Variants in ITPR3 observed in about 807,000 individuals in gnomAD.
The protein encoded by ITPR3 is inositol 1,4,5-trisphosphate-gated calcium channel ITPR3.
A neutral mutation model predicts 293.2 loss-of-function variants in ITPR3; 173 were observed. The ratio of observed to expected loss-of-function variants is 0.59; its 90% CI spans 0.52 to 0.67. The LOEUF is 0.67. Ranked by LOEUF, ITPR3 falls within the 30% of genes least tolerant of loss-of-function variation. The pLI is 0.00. For synonymous variants in ITPR3, 1,295 were observed against 1,444.4 expected, an observed-to-expected ratio of 0.90 and a Z score of 2.35; for missense variants, 2,796 against 3,592.1, an observed-to-expected ratio of 0.78 and a Z score of 5.66.
rs913302345 is a variant in ITPR3 at position 33,689,264 on chromosome 6, T to C, written c.6721T>C (p.Leu2241=). ...TGVLDSPLIS[L]LFWILICFSI... is the part of the protein sequence containing the mutation. ...CGTGCTGGACTCCCCTCTCATCTCA[T>C]TGCTCTTCTGGATCCTCATCTGCTT... Residue 2241 remains leucine (L), a synonymous_variant, in exon 50 of 58, where the codon TTG becomes CTG. Coordinates refer to ENST00000605930, the MANE Select transcript of ITPR3 (RefSeq NM_002224.4). The C allele has an allele frequency of 5.0e-6, 8 of 1,611,128 alleles. No individual in the cohort carries two copies. The highest frequency in any genetic ancestry group is 6.8e-6 in the Non-Finnish European group (8 of 1,179,974).
rs1582146998 is a variant in ITPR3 at position 33,675,219 on chromosome 6, C to G, written c.3117-472C>G. On this transcript the variant is annotated intron_variant, in intron 24 of 57. Transcript: ENST00000605930. This position sits in a 1 kb window ranked among gnomAD's most constrained non-coding sequence, Gnocchi z 5.0. ...GGCAGATCACTTGAGGTCAGGAGTT[C>G]GAGACCAGCCTGGCCAACATGGTGA... is the stretch of plus-strand genomic sequence containing the variant. Among the ~76,000 whole-genome samples the G allele has an allele frequency of 6.6e-6, 1 of 151,992 alleles. No homozygotes were observed. The highest frequency in any genetic ancestry group is 2.1e-4 in the South Asian group (1 of 4,810).
At chr6:33,663,935 C>T in intron 11 of ITPR3, 55 bp downstream of exon 11, 1 of 1,602,374 alleles carries the variant, frequency 6.2e-7, no homozygotes, top group Non-Finnish European at 8.5e-7. Flanking sequence ...GGTGGGCCCT[C>T]CTGTCTCTGG....
chr6:33,690,139 G>T lies in ITPR3; in HGVS notation c.6973G>T (p.Gly2325Cys). ...VMDMEFLYHVGYILTSVLGLF... is the reference protein window; with the variant it reads ...VMDMEFLYHVCYILTSVLGLF... ...GGACATGGAATTCCTCTACCACGTG[G>T]GCTACATCCTGACCAGTGTCCTGGG... Residue 2325 changes from glycine (G) to cysteine (C), a missense_variant, in exon 51 of 58, where the codon GGC (glycine) becomes TGC (cysteine). By Grantham distance (159) the Gly-to-Cys change is radical. This residue lies in a region of ITPR3 where 568 missense variants were observed against 796.1 expected (regional missense o/e 0.71). Transcript: ENST00000605930. The T allele has an allele frequency of 6.2e-7, 1 of 1,614,152 alleles. No homozygotes were observed. The highest frequency in any genetic ancestry group is 8.5e-7 in the Non-Finnish European group (1 of 1,180,038).
At position 33,676,782 on chromosome 6, in the gene ITPR3, C is replaced by T; in HGVS notation, c.3297C>T (p.Ile1099=). ...TCCACCTTCAGGTTCAGCTGCTGATCTCAGCGCAGGACGTGGAGAACTACA... is the reference window on the plus strand; with the variant it reads ...TCCACCTTCAGGTTCAGCTGCTGATTTCAGCGCAGGACGTGGAGAACTACA... The part of the protein sequence containing the change: ...MHTFKQVQLL[I]SAQDVENYKV... Residue 1099 remains isoleucine (I), a synonymous_variant, in exon 26 of 58, where the codon ATC becomes ATT. Transcript: ENST00000605930. 2 of 1,614,188 alleles carry T rather than the reference C, an allele frequency of 1.2e-6. No homozygotes were observed. The highest frequency in any genetic ancestry group is 1.1e-5 in the South Asian group (1 of 91,072).
Position 33,658,087 on chromosome 6 carries a change from A to G in ITPR3, c.369+69A>G. On this transcript the variant is annotated intron_variant, in intron 4 of 57. Transcript: ENST00000605930. This position sits in a 1 kb window ranked among gnomAD's most constrained non-coding sequence, Gnocchi z 6.1. ...TAAGAGGCTGGGCTGGTGCTGGGTG[A>G]GGGCTGCCAGCAGGCATTGCCCTCT... The G allele has an allele frequency of 7.2e-7, 1 of 1,381,026 alleles. No homozygotes were observed. Among genetic ancestry groups the G allele is most frequent in the Non-Finnish European group, 1.0e-6 (1 of 980,488 alleles). The allele number at this position is 1,381,026 out of a possible 1,614,324, so 85.5% of individuals were successfully genotyped here.
At chr6:33,693,175 C>G (rs1260732381) in intron 55 of ITPR3, among the ~76,000 whole-genome samples, 2 of 152,192 alleles carry the variant, frequency 1.3e-5, no homozygotes, top group African/African-American at 4.8e-5. Context: ...CAGTGCTTTT[C>G]CTACCCCTGA....
Position 33,683,900 on chromosome 6 carries a change from G to C in ITPR3, c.4789-120G>C, listed in dbSNP as rs984706328. 1 of 1,101,470 alleles carries C rather than the reference G, an allele frequency of 9.1e-7. No homozygotes were observed. The highest frequency in any genetic ancestry group is 1.3e-6 in the Non-Finnish European group (1 of 774,200). 68.2% of individuals were successfully genotyped at this position (1,101,470 alleles called of 1,614,324 possible). On this transcript the variant is annotated intron_variant, in intron 35 of 57. Coordinates refer to ENST00000605930, the MANE Select transcript of ITPR3 (RefSeq NM_002224.4). This position sits in a 1 kb window ranked among gnomAD's most constrained non-coding sequence, Gnocchi z 4.5. ...GTGTTCAGGGTGTCTCTGTGGGTGT[G>C]GGCCCCTCAGACAGAGGCAGGGCAA... is the stretch of plus-strand genomic sequence containing the variant.
Position 33,672,273 on chromosome 6 carries a change from G to A in ITPR3, c.2928+45G>A, listed in dbSNP as rs757800160. On this transcript the variant is annotated intron_variant, in intron 22 of 57. Coordinates refer to ENST00000605930, the MANE Select transcript of ITPR3 (RefSeq NM_002224.4). This position sits in a 1 kb window ranked among gnomAD's most constrained non-coding sequence, Gnocchi z 5.0. ...GTGGGAGGTGTTGGGTATAGGGGGA[G>A]GGTAATGGGGCGGGTACAGGGAGGC... 15 of 1,530,018 alleles carry A rather than the reference G, an allele frequency of 9.8e-6. No individual in the cohort carries two copies. Among genetic ancestry groups the A allele is most frequent in the Non-Finnish European group, 1.3e-5 (14 of 1,107,958 alleles). 94.8% of individuals were successfully genotyped at this position (1,530,018 alleles called of 1,614,324 possible). A position where few individuals can be genotyped will look rare whatever the true frequency, so the allele number is the denominator to read the frequency against.
chr6:33,685,801 T>C lies in ITPR3; in HGVS notation c.5641T>C (p.Cys1881Arg). 2 of 1,579,298 alleles carry C rather than the reference T, an allele frequency of 1.3e-6. No homozygotes were observed. Among genetic ancestry groups the C allele is most frequent in the Non-Finnish European group, 1.7e-6 (2 of 1,159,996 alleles). The stretch of plus-strand genomic sequence containing the variant: ...CATCCTGCGCTTTCTGCAGCTGCTG[T>C]GTGAGAACCACAACCGGGACCTGCA... ...QPILRFLQLL[C>R]ENHNRDLQNF... The change falls in exon 41 of 58, where the codon TGT (cysteine) becomes CGT (arginine). Residue 1881 changes from cysteine (C) to arginine (R), a missense_variant. By Grantham distance (180) the Cys-to-Arg change is radical. Transcript: ENST00000605930.
Position 33,673,599 on chromosome 6 carries a change from C to T in ITPR3, c.2937C>T (p.Leu979=), listed in dbSNP as rs1249468102. 1.1e-5 allele frequency: 18 copies of T among 1,614,010 alleles called. No individual in the cohort carries two copies. Among genetic ancestry groups the T allele is most frequent in the Admixed American group, 1.7e-5 (1 of 60,004 alleles). Reference sequence around the variant, plus strand: ...TTTCCTCTCTTCTCCAGTTCATCCTCAATGTCCGCCTGGATTACCGCATAT... The same window carrying T: ...TTTCCTCTCTTCTCCAGTTCATCCTTAATGTCCGCCTGGATTACCGCATAT... ...LKILEILQFI[L]NVRLDYRISY... The change falls in exon 23 of 58, where the codon CTC becomes CTT. Residue 979 remains leucine, a synonymous_variant. Coordinates refer to ENST00000605930, the MANE Select transcript of ITPR3 (RefSeq NM_002224.4).
chr6:33,680,341 T>A lies in ITPR3; in HGVS notation c.4237T>A (p.Tyr1413Asn). Residue 1413 changes from tyrosine to asparagine, a missense_variant, in exon 32 of 58, where the codon TAT becomes AAT. By Grantham distance (143) the Tyr-to-Asn change is moderately radical. This residue lies in a region of ITPR3 where 344 missense variants were observed against 460.3 expected (regional missense o/e 0.75). Transcript: ENST00000605930. ...EDCITEVKMA[Y>N]VNFVNHCYVD... ...GCCCACTGCCCAGGTGAAAATGGCC[T>A]ATGTGAACTTCGTGAACCACTGCTA... is the stretch of plus-strand genomic sequence containing the variant. The A allele has an allele frequency of 6.2e-7, 1 of 1,613,420 alleles. No homozygotes were observed. The highest frequency in any genetic ancestry group is 8.5e-7 in the Non-Finnish European group (1 of 1,179,844).
chr6:33,688,738 C>G lies in ITPR3; in HGVS notation c.6651C>G (p.Ile2217Met). The G allele has an allele frequency of 6.2e-7, 1 of 1,614,230 alleles. No individual in the cohort carries two copies. The highest frequency in any genetic ancestry group is 8.5e-7 in the Non-Finnish European group (1 of 1,180,032). ...TCAACCTGGCCGTGTTTATCAACAT[C>G]ATCATTGCCTTCTTCTACCCTTACA... ...ISFNLAVFINIIIAFFYPYME... is the reference protein window; with the variant it reads ...ISFNLAVFINMIIAFFYPYME... Residue 2217 changes from isoleucine (I) to methionine (M), a missense_variant, in exon 49 of 58, where the codon ATC (isoleucine) becomes ATG (methionine). Physicochemically the swap from Ile to Met is conservative, Grantham distance 10. This residue lies in a region of ITPR3 where 568 missense variants were observed against 796.1 expected (regional missense o/e 0.71). Transcript: ENST00000605930.
In ITPR3 at chr6:33,658,786, C is replaced by T; in HGVS notation, c.486C>T (p.Leu162=). 1 of 1,614,186 alleles carries T rather than the reference C, an allele frequency of 6.2e-7. No individual in the cohort carries two copies. Among genetic ancestry groups the T allele is most frequent in the Non-Finnish European group, 8.5e-7 (1 of 1,180,026 alleles). ...CCACAGGCAACGAGGGTTCCTGGCT[C>T]TTCATCCAGCCCTTCTGGAAGCTGC... ...LDATGNEGSW[L]FIQPFWKLRS... is the part of the protein sequence containing the mutation. Residue 162 remains leucine (L), a synonymous_variant, in exon 5 of 58, where the codon CTC becomes CTT. Transcript: ENST00000605930. The surrounding 1 kb of genome is among the most constrained non-coding windows in gnomAD (Gnocchi z 6.1).
Position 33,680,311 on chromosome 6 carries a change from C to T in ITPR3, c.4225-18C>T, listed in dbSNP as rs753256127. ...AGGCGGCCCTGCTTGCGCCCCTGAC[C>T]TCCCGCCCACTGCCCAGGTGAAAAT... is the stretch of plus-strand genomic sequence containing the variant. On this transcript the variant is annotated intron_variant, in intron 31 of 57. Transcript: ENST00000605930. The T allele has an allele frequency of 2.5e-6, 4 of 1,608,812 alleles. No homozygotes were observed. The African/African-American group carries it at 4.0e-5, about 16-fold the overall frequency.
intron 28 of ITPR3, 81 bp downstream of exon 28, chr6:33,677,710 G>A (rs543181757): frequency 1.3e-6 from 2 of 1,530,028 alleles, no homozygotes; most frequent in Admixed American, 1.9e-5. Context: ...AGGCCCTAAT[G>A]CAGGCAACCT....
chr6:33,662,533 C>T lies in ITPR3; in HGVS notation c.717C>T (p.Asp239=), dbSNP rs759235350. Residue 239 remains aspartate (D), a synonymous_variant, in exon 8 of 58, where the codon GAC becomes GAT. Transcript: ENST00000605930. ...CCACACCCTGCTGCCTGCAGGGAGA[C>T]GTGGTGCGGCTGTTCCATGCGGAGC... is the stretch of plus-strand genomic sequence containing the variant. The part of the protein sequence containing the change: ...DHLEEVLKGG[D]VVRLFHAEQE... The T allele has an allele frequency of 8.8e-6, 14 of 1,592,300 alleles. No homozygotes were observed. Among genetic ancestry groups the T allele is most frequent in the Admixed American group, 5.2e-5 (3 of 57,204 alleles).
At chr6:33,643,280 G>C (rs544063748) in intron 2 of ITPR3, among the ~76,000 whole-genome samples, 1 of 152,204 alleles carries the variant, frequency 6.6e-6, no homozygotes, top group Non-Finnish European at 1.5e-5. Flanking sequence ...CTCCCTGCCC[G>C]GCTCCCTGCC....
At chr6:33,686,935 A>AG in intron 43 of ITPR3, 74 bp from the exon 44 acceptor site, 2 of 1,151,366 alleles carry the variant, frequency 1.7e-6, no homozygotes, top group East Asian at 4.7e-5. Context: ...TGTTATGGAG[A>AG]GGAATGAGGG....
In ITPR3 at chr6:33,670,410, C is replaced by T; in HGVS notation, c.2275C>T (p.Leu759=). 1 of 1,614,088 alleles carries T rather than the reference C, an allele frequency of 6.2e-7. No individual in the cohort carries two copies. The highest frequency in any genetic ancestry group is 8.5e-7 in the Non-Finnish European group (1 of 1,180,028). Residue 759 remains leucine (L), a synonymous_variant, in exon 19 of 58, where the codon CTG becomes TTG. Coordinates refer to ENST00000605930, the MANE Select transcript of ITPR3 (RefSeq NM_002224.4). The surrounding 1 kb of genome is among the most constrained non-coding windows in gnomAD (Gnocchi z 6.7). ...DEISQQLGVD[L]IFLCMADEML... is the part of the protein sequence containing the mutation. ...GATCTCCCAGCAGCTGGGCGTGGAC[C>T]TGATTTTCCTGTGCATGGCAGACGA...
Sources: gnomAD v4.1 joint callset for allele counts (sites outside exome capture counted in the v4.1 genomes callset) on GRCh38, gnomAD v4.1.1 for gene constraint, gnomAD v4.1.1 regional missense constraint, Gnocchi (gnomAD v3.1) non-coding constraint, MANE v1.5 for transcripts, NCBI Gene and HGNC (gene_info 2026-07-23, HGNC 2026-07-21) for gene names.